The following CHM variants were observed in gnomAD, a reference collection of about 807,000 sequenced individuals.
The protein encoded by CHM is CHM Rab escort protein.
A neutral mutation model predicts 49.0 loss-of-function variants in CHM; 10 were observed. The ratio of observed to expected loss-of-function variants is 0.20; its 90% CI spans 0.13 to 0.35. The LOEUF (loss-of-function observed/expected upper bound fraction) is 0.35, where lower values mean the gene tolerates loss of function less well. Among genes scored for constraint, CHM ranks in the 10% least tolerant of loss-of-function variants. The probability of loss-of-function intolerance (pLI) is 1.00; values close to 1 mark genes in which losing one functional copy is unlikely to be tolerated. For missense variants in CHM, 455 were observed against 478.4 expected (o/e 0.95, Z 0.46); for synonymous variants, 184 against 167.5 (o/e 1.10, Z -0.76).
intron 1 of CHM, among the ~76,000 whole-genome samples, chrX:86,032,308 C>T (rs1191619064): frequency 8.9e-6 from 1 of 112,001 alleles, no homozygotes; most frequent in Non-Finnish European, 1.9e-5. Flanking sequence ...ACAAGTACAA[C>T]GTTTTCAACT....
chrX:86,008,245 C>T (rs1048815385), intron 2 of CHM, among the ~76,000 whole-genome samples: 15 of 110,947 alleles, frequency 1.4e-4, no homozygotes, highest in African/African-American at 3.9e-4. Flanking sequence ...TATCACACAC[C>T]GGGGCCTGTC....
chrX:86,018,963 A>C (rs933824370), intron 2 of CHM, among the ~76,000 whole-genome samples: 2 of 112,046 alleles, frequency 1.8e-5, no homozygotes, highest in Middle Eastern at 4.2e-3. Context: ...TCAGTATCTT[A>C]TAATTTTTCT....
chrX:85,924,792 G>A (rs1333352522), intron 8 of CHM, among the ~76,000 whole-genome samples: 1 of 111,602 alleles, frequency 9.0e-6, no homozygotes, highest in Non-Finnish European at 1.9e-5. Flanking sequence ...TGGGCAGATG[G>A]ACTGCCCTTT....
At chrX:86,017,114 ACACAATACCTGT>A (rs1191659728) in intron 2 of CHM, among the ~76,000 whole-genome samples, 1 of 112,482 alleles carries the variant, frequency 8.9e-6, no homozygotes, top group Non-Finnish European at 1.9e-5. Context: ...GGCTTTATTT[ACACAATACCTGT>A]ACCCCTATTG....
At chrX:86,016,288 T>C (rs1333629028) in intron 2 of CHM, among the ~76,000 whole-genome samples, 1 of 111,839 alleles carries the variant, frequency 8.9e-6, no homozygotes, top group African/African-American at 3.3e-5. Flanking sequence ...CTGCAGGAAT[T>C]TGCATAAGTA....
intron 13 of CHM, among the ~76,000 whole-genome samples, chrX:85,876,933 T>C (rs907959249): frequency 3.6e-5 from 4 of 111,321 alleles, no homozygotes; most frequent in African/African-American, 1.3e-4. Flanking sequence ...AATGACATGA[T>C]TCATATTTAG....
chrX:85,996,371 C>T (rs935347807), intron 2 of CHM, among the ~76,000 whole-genome samples: 1 of 111,960 alleles, frequency 8.9e-6, no homozygotes, highest in Non-Finnish European at 1.9e-5. Context: ...ATAAAATTGA[C>T]TTGACGAATA....
chrX:86,006,665 A>T lies in CHM; in HGVS notation c.116+20826T>A, dbSNP rs766595475. 3.6e-5 allele frequency among the ~76,000 whole-genome samples: 4 copies of T among 111,708 alleles called. No homozygotes were observed. In the East Asian group the frequency reaches 1.1e-3, roughly 32 times the overall value. On this transcript the variant is annotated intron_variant, in intron 2 of 14. Coordinates refer to ENST00000357749, the MANE Select transcript of CHM (RefSeq NM_000390.4). ...GAGTGAACTCCCATTCATAATTGCTACAAAGAGAATAAAATACCTAGGAAT... is the reference window on the plus strand; with the variant it reads ...GAGTGAACTCCCATTCATAATTGCTTCAAAGAGAATAAAATACCTAGGAAT...
At chrX:85,952,308 T>C (rs1007573044) in intron 8 of CHM, among the ~76,000 whole-genome samples, 1 of 110,703 alleles carries the variant, frequency 9.0e-6, no homozygotes, top group Non-Finnish European at 1.9e-5. Context: ...AGGTGTCTAA[T>C]TCCTTCTGCT....
intron 2 of CHM, among the ~76,000 whole-genome samples, chrX:86,001,408 C>T (rs757358568): frequency 9.1e-6 from 1 of 110,055 alleles, no homozygotes; most frequent in Non-Finnish European, 1.9e-5. Flanking sequence ...CATTGCTATA[C>T]AGAAATATCT....
At chrX:85,870,420 C>T (rs6623532) in intron 14 of CHM, among the ~76,000 whole-genome samples, 34 of 112,166 alleles carry the variant, frequency 3.0e-4, no homozygotes, top group African/African-American at 1.1e-3. Context: ...GTATATCAAA[C>T]GTCGTAAGTG....
chrX:86,003,041 A>G (rs1419220982), intron 2 of CHM, among the ~76,000 whole-genome samples: 1 of 111,721 alleles, frequency 9.0e-6, no homozygotes, highest in Non-Finnish European at 1.9e-5. Flanking sequence ...CTTACAGAGG[A>G]AAGACCAGGC....
chrX:86,017,169 T>A (rs1933338211), intron 2 of CHM, among the ~76,000 whole-genome samples: 1 of 112,557 alleles, frequency 8.9e-6, no homozygotes, highest in Non-Finnish European at 1.9e-5. Context: ...CTTTTGATTT[T>A]ACAGGCTCAT....
intron 2 of CHM, among the ~76,000 whole-genome samples, chrX:86,020,724 C>T (rs1206811536): frequency 3.0e-5 from 3 of 100,998 alleles, no homozygotes; most frequent in Non-Finnish European, 6.1e-5. Flanking sequence ...CTCCGATATC[C>T]GAAACACTTC....
intron 8 of CHM, among the ~76,000 whole-genome samples, chrX:85,919,098 A>ATAT (rs1927630218): frequency 1.8e-5 from 2 of 112,323 alleles, no homozygotes; most frequent in South Asian, 7.4e-4. Context: ...ACCATAAAGC[A>ATAT]TATACACACA....
chrX:85,976,906 AC>A (rs1931306639), intron 4 of CHM, among the ~76,000 whole-genome samples: 3 of 110,277 alleles, frequency 2.7e-5, no homozygotes, highest in Non-Finnish European at 5.7e-5. Context: ...ACACACACAC[AC>A]ACACACAGAA....
chrX:85,981,724 A>G lies in CHM; in HGVS notation c.189+13T>C. On this transcript the variant is annotated intron_variant, in intron 3 of 14. Coordinates refer to ENST00000357749, the MANE Select transcript of CHM (RefSeq NM_000390.4). ...AAAACAAAGCAAATTAAAAGGTCAG[A>G]TACAAACTTTACCTGGTATTCCTTT... is the stretch of plus-strand genomic sequence containing the variant. The G allele has an allele frequency of 1.7e-6, 2 of 1,160,784 alleles. No homozygotes were observed. Among genetic ancestry groups the G allele is most frequent in the Non-Finnish European group, 2.3e-6 (2 of 855,165 alleles).
At chrX:85,958,113 A>T (rs997375895) in intron 6 of CHM, 138 bp from the exon 7 acceptor site, 2 of 722,857 alleles carry the variant, frequency 2.8e-6, no homozygotes, top group African/African-American at 4.4e-5. Context: ...ACCGTCCATC[A>T]GTACTAATGG....
chrX:85,870,827 G>A (rs746187623), intron 14 of CHM, among the ~76,000 whole-genome samples: 1 of 111,689 alleles, frequency 9.0e-6, no homozygotes, highest in African/African-American at 3.3e-5. Flanking sequence ...GAGGCCAGGA[G>A]CACACAATTT....
Sources: gnomAD v4.1 joint callset for allele counts (sites outside exome capture counted in the v4.1 genomes callset) on GRCh38, gnomAD v4.1.1 for gene constraint, MANE v1.5 for transcripts, NCBI Gene and HGNC (gene_info 2026-07-23, HGNC 2026-07-21) for gene names.